NKAIN3: variants seen among roughly 807,000 people sequenced by gnomAD.
NKAIN3 encodes sodium/potassium transporting ATPase interacting 3, also known as sodium/potassium-transporting ATPase subunit beta-1-interacting protein 3.
In NKAIN3, 25 loss-of-function variants were observed where a neutral mutation model predicts 30.2. The ratio of observed to expected loss-of-function variants is 0.83; its 90% CI spans 0.60 to 1.16. The LOEUF is 1.16. Ranked by LOEUF, NKAIN3 falls within the 50% of genes most tolerant of loss-of-function variation. NKAIN3 has a pLI of 0.00. For synonymous variants in NKAIN3, 91 were observed against 89.6 expected (o/e 1.02, Z -0.09); for missense variants, 225 against 254.1 (o/e 0.89, Z 0.78).
At chr8:62,378,465 CT>C (rs1477931204) in intron 1 of NKAIN3, among the ~76,000 whole-genome samples, 3 of 152,310 alleles carry the variant, frequency 2.0e-5, no homozygotes, top group Non-Finnish European at 4.4e-5. Context: ...TGTCAGAGAG[CT>C]TTGCGGCATC....
chr8:62,956,807 C>T (rs1329990443), intron 6 of NKAIN3, among the ~76,000 whole-genome samples: 3 of 147,440 alleles, frequency 2.0e-5, no homozygotes, highest in African/African-American at 7.5e-5. Context: ...CCCTTAGCAG[C>T]CAATGATCTA....
rs978481808 is a variant in NKAIN3, at chr8:62,982,740, A to G, written c.*17333A>G. On this transcript the variant is annotated 3_prime_UTR_variant, in exon 7 of 7. Coordinates refer to ENST00000623646, the MANE Select transcript of NKAIN3 (RefSeq NM_001304533.3). ...CAGATTTTTTTTCAGTTCCAAAGTT[A>G]TCAAAATCCCAGGAATATTTCACAG... The G allele has an allele frequency of 6.6e-6, 1 of 152,116 alleles. No individual in the cohort carries two copies. 9.4% of individuals were successfully genotyped at this position (152,116 alleles called of 1,614,324 possible).
intron 1 of NKAIN3, among the ~76,000 whole-genome samples, chr8:62,341,380 C>G (rs1815740085): frequency 6.6e-6 from 1 of 152,042 alleles, no homozygotes; most frequent in African/African-American, 2.4e-5. Context: ...AACAGTTAGT[C>G]TAGATGAAAT....
chr8:62,260,888 C>T (rs749875943), intron 1 of NKAIN3, among the ~76,000 whole-genome samples: 6 of 152,110 alleles, frequency 3.9e-5, no homozygotes, highest in Non-Finnish European at 5.9e-5. Context: ...TACATCTACA[C>T]GGTACGTATT....
intron 5 of NKAIN3, among the ~76,000 whole-genome samples, chr8:62,939,002 T>A (rs1822868184): frequency 1.3e-5 from 2 of 152,160 alleles, no homozygotes; most frequent in Admixed American, 6.6e-5. Flanking sequence ...ATTTTTTCAA[T>A]GTTACTGGAT....
chr8:62,898,292 T>G (rs1471516566), intron 4 of NKAIN3, among the ~76,000 whole-genome samples: 1 of 152,152 alleles, frequency 6.6e-6, no homozygotes, highest in Non-Finnish European at 1.5e-5. Context: ...AATTCACAAT[T>G]GCAAAGATAT....
At chr8:62,644,701 G>A (rs1447119714) in intron 3 of NKAIN3, among the ~76,000 whole-genome samples, 1 of 152,134 alleles carries the variant, frequency 6.6e-6, no homozygotes, top group Non-Finnish European at 1.5e-5. Flanking sequence ...ATATTGACTG[G>A]CATTTTCTTT....
intron 4 of NKAIN3, among the ~76,000 whole-genome samples, chr8:62,883,232 T>C (rs1300289920): frequency 6.6e-6 from 1 of 152,164 alleles, no homozygotes; most frequent in Non-Finnish European, 1.5e-5. Context: ...TTTGATTTCT[T>C]TAGTCAGAGC....
chr8:62,734,350 G>T (rs1427650183), intron 3 of NKAIN3, among the ~76,000 whole-genome samples: 1 of 152,080 alleles, frequency 6.6e-6, no homozygotes, highest in Non-Finnish European at 1.5e-5. Context: ...TTCTTAAATT[G>T]TGCTGTTTAC....
At chr8:62,995,363 G>T (rs1345388415) in intron 5 of NKAIN3, among the ~76,000 whole-genome samples, 1 of 152,154 alleles carries the variant, frequency 6.6e-6, no homozygotes, top group African/African-American at 2.4e-5. Flanking sequence ...AAGGGCTGGG[G>T]AATTAAACAA....
At chr8:62,309,598 T>C (rs1245281461) in intron 1 of NKAIN3, among the ~76,000 whole-genome samples, 2 of 150,362 alleles carry the variant, frequency 1.3e-5, no homozygotes, top group Non-Finnish European at 2.9e-5. Context: ...CTCTGTACTC[T>C]CCCAAATCCT....
intron 1 of NKAIN3, among the ~76,000 whole-genome samples, chr8:62,354,293 A>G (rs1025078122): frequency 6.6e-6 from 1 of 152,188 alleles, no homozygotes; most frequent in Non-Finnish European, 1.5e-5. Context: ...TTAGGTGAGT[A>G]AACTGGAGAA....
chr8:62,326,120 T>C (rs1815115988), intron 1 of NKAIN3, among the ~76,000 whole-genome samples: 1 of 152,034 alleles, frequency 6.6e-6, no homozygotes, highest in African/African-American at 2.4e-5. Context: ...AAAATGTATT[T>C]AAAAATAATT....
chr8:62,375,296 G>A (rs1481823700), intron 1 of NKAIN3, among the ~76,000 whole-genome samples: 1 of 152,176 alleles, frequency 6.6e-6, no homozygotes, highest in Non-Finnish European at 1.5e-5. Flanking sequence ...ATCCTATGAA[G>A]TACAGTTCAA....
chr8:62,259,488 T>C (rs1812364429), intron 1 of NKAIN3, among the ~76,000 whole-genome samples: 1 of 152,140 alleles, frequency 6.6e-6, no homozygotes, highest in Non-Finnish European at 1.5e-5. Flanking sequence ...TACAGCAGAA[T>C]AGAATATTAG....
chr8:62,641,015 T>A (rs181164320), intron 3 of NKAIN3, among the ~76,000 whole-genome samples: 229 of 152,156 alleles, frequency 1.5e-3, no homozygotes, highest in East Asian at 3.9e-3. Context: ...TTATTTATTT[T>A]TTTTTTTTAG....
intron 1 of NKAIN3, among the ~76,000 whole-genome samples, chr8:62,340,020 G>C (rs1177606859): frequency 6.6e-6 from 1 of 152,000 alleles, no homozygotes; most frequent in Non-Finnish European, 1.5e-5. Flanking sequence ...CCCATCACAA[G>C]GGTCTAGCTG....
In NKAIN3 at chr8:62,970,521, T is replaced by G. The variant is rs1823811857; in HGVS notation, c.*5114T>G. The stretch of plus-strand genomic sequence containing the variant: ...TAAAAATCATGTTAAATGCTAAACA[T>G]TTTTAAAAACTGAAATATTTAAAGA... On this transcript the variant is annotated 3_prime_UTR_variant, in exon 7 of 7. Transcript: ENST00000623646. 6.6e-6 allele frequency among the ~76,000 whole-genome samples: 1 copy of G among 152,162 alleles called. No individual in the cohort carries two copies. Among genetic ancestry groups the G allele is most frequent in the South Asian group, 2.1e-4 (1 of 4,834 alleles).
intron 4 of NKAIN3, among the ~76,000 whole-genome samples, chr8:62,829,909 AAGAG>A (rs767337274): frequency 4.6e-5 from 7 of 152,202 alleles, no homozygotes; most frequent in Non-Finnish European, 7.4e-5. Flanking sequence ...CCCAAAATGA[AAGAG>A]AGAAAGAGAG....
Sources: gnomAD v4.1 joint callset for allele counts (sites outside exome capture counted in the v4.1 genomes callset) on GRCh38, gnomAD v4.1.1 for gene constraint, MANE v1.5 for transcripts, NCBI Gene and HGNC (gene_info 2026-07-23, HGNC 2026-07-21) for gene names.